Variants in ADGRV1 observed in about 807,000 individuals in gnomAD.
The protein encoded by ADGRV1 is G-protein coupled receptor 98.
Under a neutral mutation model 596.2 loss-of-function variants are expected in ADGRV1, and 359 were observed. The observed-to-expected ratio is 0.60, with a 90% CI of 0.55 to 0.66. The LOEUF (loss-of-function observed/expected upper bound fraction) is 0.66. ADGRV1 is among the 30% of genes least tolerant of loss of function. ADGRV1 has a pLI of 0.00. For synonymous variants in ADGRV1, 2,681 were observed against 2,679.2 expected (o/e 1.00, Z -0.02); for missense variants, 7,274 against 7,575.6 (o/e 0.96, Z 1.48).
At chr5:91,094,178 G>T (rs1356762069) in intron 86 of ADGRV1, among the ~76,000 whole-genome samples, 2 of 151,904 alleles carry the variant, frequency 1.3e-5, no homozygotes, top group Non-Finnish European at 2.9e-5. Context: ...TGTTTCTCTG[G>T]GCCGGGCACA....
Position 90,704,497 on chromosome 5 carries a change from GA to G in ADGRV1, c.8386+11del. 2.7e-6 allele frequency: 4 copies of G among 1,476,970 alleles called. No homozygotes were observed. Among genetic ancestry groups the G allele is most frequent in the Non-Finnish European group, 2.8e-6 (3 of 1,085,370 alleles). The allele number at this position is 1,476,970 out of a possible 1,614,324, so 91.5% of individuals were successfully genotyped here. On this transcript the variant is annotated intron_variant, in intron 36 of 89. Transcript: ENST00000405460. ...TGATGTCAGGACACAAGGTAATTCA[GA>G]ATTTAATTTTAATTTTTTTTGGTAT...
intron 77 of ADGRV1, among the ~76,000 whole-genome samples, chr5:90,832,595 T>C (rs774739019): frequency 3.9e-5 from 6 of 152,312 alleles, no homozygotes; most frequent in Non-Finnish European, 8.8e-5. Context: ...GTGCAGAAAC[T>C]TTTTAATTTG....
At position 90,685,953 on chromosome 5, in the gene ADGRV1, G is replaced by A. The variant is rs1745570280; in HGVS notation, c.6448G>A (p.Val2150Ile). The A allele has an allele frequency of 5.6e-6, 9 of 1,604,052 alleles. No individual in the cohort carries two copies. Among genetic ancestry groups the A allele is most frequent in the South Asian group, 1.1e-5 (1 of 89,354 alleles). ...VTRTGGAFAD[V>I]SVKFKAVPIT... is the part of the protein sequence containing the mutation. ...TAGAACAGGAGGAGCATTTGCAGATGTCTCTGTGAAGTTTAAAGCTGTGCC... is the reference window on the plus strand; with the variant it reads ...TAGAACAGGAGGAGCATTTGCAGATATCTCTGTGAAGTTTAAAGCTGTGCC... The change falls in exon 29 of 90, where the codon GTC (valine) becomes ATC (isoleucine). Residue 2150 changes from valine (V) to isoleucine (I), a missense_variant. Around this residue, in one of 5 missense-constraint regions of ADGRV1, gnomAD observed 3,643 missense variants for 3,809.2 expected, o/e 0.96. Transcript: ENST00000405460.
intron 85 of ADGRV1, among the ~76,000 whole-genome samples, chr5:91,014,136 C>CCCCCCACACACA (rs757029909): frequency 2.8e-5 from 1 of 35,638 alleles, no homozygotes; most frequent in East Asian, 6.8e-4. Flanking sequence ...TTCACAATTG[C>CCCCCCACACACA]CACACACACA....
In ADGRV1 at chr5:90,829,100, G is replaced by A; in HGVS notation, c.16525G>A (p.Ala5509Thr). The change falls in exon 77 of 90, where the codon GCT becomes ACT. Residue 5509 changes from alanine (A) to threonine (T), a missense_variant. Physicochemically the swap from Ala to Thr is moderately conservative, Grantham distance 58. Coordinates refer to ENST00000405460, the MANE Select transcript of ADGRV1 (RefSeq NM_032119.4). ...YFSVGSRLAV[A>T]HKKATLISLQ... ...TTCTGTGGGTTCTCGGCTGGCAGTG[G>A]CTCACAAGAAGGCCACTTTAATCAG... is the stretch of plus-strand genomic sequence containing the variant. The A allele has an allele frequency of 6.2e-7, 1 of 1,612,178 alleles. No individual in the cohort carries two copies. The highest frequency in any genetic ancestry group is 1.1e-5 in the South Asian group (1 of 90,814).
intron 21 of ADGRV1, among the ~76,000 whole-genome samples, chr5:90,665,377 C>G (rs1390127319): frequency 6.6e-6 from 1 of 151,330 alleles, no homozygotes; most frequent in African/African-American, 2.4e-5. Context: ...TCCATTTCTT[C>G]TAGATTTTCT....
Position 90,761,293 on chromosome 5 carries a change from G to A in ADGRV1, c.12120+1705G>A, listed in dbSNP as rs543903644. On this transcript the variant is annotated intron_variant, in intron 58 of 89. Coordinates refer to ENST00000405460, the MANE Select transcript of ADGRV1 (RefSeq NM_032119.4). The stretch of plus-strand genomic sequence containing the variant: ...ACTTTCACTGTAGCCCAATGAGCTC[G>A]TCCTTGGAAAAAAAATGGGCAGCTG... 5.3e-5 allele frequency among the ~76,000 whole-genome samples: 8 copies of A among 152,234 alleles called. No homozygotes were observed. The East Asian group carries it at 7.7e-4, about 15-fold the overall frequency.
chr5:90,802,474 A>T (rs1212036494), intron 70 of ADGRV1, among the ~76,000 whole-genome samples: 1 of 151,922 alleles, frequency 6.6e-6, no homozygotes, highest in Non-Finnish European at 1.5e-5. Context: ...CAAGTGATCC[A>T]CCCGCCTGGG....
chr5:90,666,548 TG>T (rs1424912721), intron 21 of ADGRV1, among the ~76,000 whole-genome samples: 2 of 102,094 alleles, frequency 2.0e-5, no homozygotes, highest in African/African-American at 8.5e-5. Flanking sequence ...AGCACACTGA[TG>T]GGTCTTGACT....
chr5:91,067,530 C>T (rs1317307389), intron 85 of ADGRV1, among the ~76,000 whole-genome samples: 1 of 152,168 alleles, frequency 6.6e-6, no homozygotes, highest in Non-Finnish European at 1.5e-5. Flanking sequence ...TACTTCCAAC[C>T]TCCCAAAGGT....
In ADGRV1 at chr5:90,810,867, G is replaced by A; in HGVS notation, c.15607G>A (p.Glu5203Lys). Reference sequence around the variant, plus strand: ...CCTTCATGGCACACCTGCTGTGTCTGAAAAGCCTGATGTGGCCACTGTAAC... The same window carrying A: ...CCTTCATGGCACACCTGCTGTGTCTAAAAAGCCTGATGTGGCCACTGTAAC... ...VTLHGTPAVS[E>K]KPDVATVTAN... The change falls in exon 74 of 90, where the codon GAA becomes AAA. Residue 5203 changes from glutamate to lysine, a missense_variant. Transcript: ENST00000405460. 6.2e-7 allele frequency: 1 copy of A among 1,614,024 alleles called. No homozygotes were observed. The highest frequency in any genetic ancestry group is 8.5e-7 in the Non-Finnish European group (1 of 1,179,892).
chr5:90,801,549 C>T (rs1188311932), intron 70 of ADGRV1, among the ~76,000 whole-genome samples: 1 of 151,036 alleles, frequency 6.6e-6, no homozygotes, highest in Admixed American at 6.6e-5. Context: ...TTTTTTAGCA[C>T]TTGACCCATG....
intron 86 of ADGRV1, among the ~76,000 whole-genome samples, chr5:91,088,273 G>A (rs965496743): frequency 6.6e-6 from 1 of 152,044 alleles, no homozygotes; most frequent in African/African-American, 2.4e-5. Context: ...CAAGACATGT[G>A]ATTTCCTTCT....
intron 21 of ADGRV1, among the ~76,000 whole-genome samples, chr5:90,659,375 C>T (rs1702855049): frequency 6.6e-6 from 1 of 152,096 alleles, no homozygotes; most frequent in African/African-American, 2.4e-5. Flanking sequence ...TGATATTAAC[C>T]AGTGTGATAG....
intron 87 of ADGRV1, among the ~76,000 whole-genome samples, chr5:91,107,524 G>T (rs1204288531): frequency 1.3e-5 from 2 of 152,204 alleles, no homozygotes; most frequent in Non-Finnish European, 2.9e-5. Flanking sequence ...GGAGCTGAAA[G>T]TGTGGAATGT....
rs573068579 is a variant in ADGRV1 at position 90,781,410 on chromosome 5, G to T, written c.13083-20G>T. On this transcript the variant is annotated intron_variant, in intron 64 of 89. Transcript: ENST00000405460. ...TTGTTGTTGTATTTTATTTTATTTT[G>T]ATTTGTATGACTTTGGAAGAGGGTA... The T allele has an allele frequency of 4.9e-5, 77 of 1,556,114 alleles. No individual in the cohort carries two copies. Among genetic ancestry groups the T allele is most frequent in the Admixed American group, 1.4e-4 (8 of 55,944 alleles).
At chr5:90,705,330 G>A in intron 36 of ADGRV1, 70 bp from the exon 37 acceptor site, 1 of 1,275,258 alleles carries the variant, frequency 7.8e-7, no homozygotes, top group Non-Finnish European at 1.1e-6. Context: ...GTTTCAGAGA[G>A]TGAGGCTATG....
chr5:90,620,989 T>C (rs1016237606), intron 4 of ADGRV1, among the ~76,000 whole-genome samples: 5 of 152,228 alleles, frequency 3.3e-5, no homozygotes, highest in African/African-American at 1.2e-4. Context: ...GTGTATTTTC[T>C]GTTCCTTAAC....
In ADGRV1 at chr5:90,685,834, T is replaced by A; in HGVS notation, c.6329T>A (p.Ile2110Asn). 1.2e-6 allele frequency: 2 copies of A among 1,612,328 alleles called. No individual in the cohort carries two copies. The highest frequency in any genetic ancestry group is 2.2e-5 in the East Asian group (1 of 44,824). ...GTAGAAACTATTGCGCAACTAATTA[T>A]CATTGCCAATGATGATGCATTTGGA... The part of the protein sequence containing the change: ...PKVETIAQLI[I>N]IANDDAFGTL... Residue 2110 changes from isoleucine to asparagine, a missense_variant, in exon 29 of 90, where the codon ATC becomes AAC. Transcript: ENST00000405460.
Sources: allele counts gnomAD v4.1 joint callset (sites outside exome capture counted in the v4.1 genomes callset), GRCh38; gene constraint gnomAD v4.1.1; regional missense constraint gnomAD v4.1.1; transcripts MANE v1.5; gene names NCBI Gene and HGNC (gene_info 2026-07-23, HGNC 2026-07-21).